ENPP1: variants seen among roughly 807,000 people sequenced by gnomAD.
The protein encoded by ENPP1 is ectonucleotide pyrophosphatase/phosphodiesterase 1.
Under a neutral mutation model 122.8 loss-of-function variants are expected in ENPP1, and 73 were observed. The ratio of observed to expected loss-of-function variants is 0.59; its 90% CI spans 0.49 to 0.72. The LOEUF (loss-of-function observed/expected upper bound fraction) is 0.72. ENPP1 is among the 30% of genes least tolerant of loss of function. The pLI, the probability that ENPP1 is intolerant of heterozygous loss-of-function variation, is 0.00. For synonymous variants in ENPP1, 367 were observed against 391.6 expected (o/e 0.94, Z 0.74); for missense variants, 978 against 1,128.1 (o/e 0.87, Z 1.91).
At position 131,861,708 on chromosome 6, in the gene ENPP1, T is replaced by C. The variant is rs761356874; in HGVS notation, c.1025+4T>C. 1.3e-6 allele frequency: 2 copies of C among 1,501,962 alleles called. No homozygotes were observed. The highest frequency in any genetic ancestry group is 1.9e-6 in the Non-Finnish European group (2 of 1,077,700). 93.0% of individuals were successfully genotyped at this position (1,501,962 alleles called of 1,614,324 possible). A position where few individuals can be genotyped will look rare whatever the true frequency, so the allele number is the denominator to read the frequency against. On this transcript the variant is annotated splice_donor_region_variant and intron_variant, in intron 9 of 24. Coordinates refer to ENST00000647893, the MANE Select transcript of ENPP1 (RefSeq NM_006208.3). ...ACATCTATAAAATGTATAATGGGTA[T>C]GTGAAATGAATTTTTTCTAGGATCT...
intron 1 of ENPP1, chr6:131,827,910 C>G (rs1781565107): frequency 1.6e-6 from 2 of 1,233,120 alleles, no homozygotes; most frequent in African/African-American, 1.5e-5. Flanking sequence ...CTGTTTCTGA[C>G]AGGGTGCAGG....
chr6:131,852,796 T>C lies in ENPP1; in HGVS notation c.617+561T>C, dbSNP rs1781898133. On this transcript the variant is annotated intron_variant, in intron 5 of 24. Transcript: ENST00000647893. ...CTAAACTTGTAGAAAATTTAGCTTC[T>C]TTTTTTTTTTGTATTTTGGTCCATT... Among the ~76,000 whole-genome samples the C allele has an allele frequency of 2.1e-5, 3 of 145,260 alleles. No homozygotes were observed. In the South Asian group the frequency reaches 6.5e-4, roughly 31 times the overall value.
intron 1 of ENPP1, among the ~76,000 whole-genome samples, chr6:131,831,132 A>AAAAAAG (rs1781606030): frequency 6.6e-6 from 1 of 151,220 alleles, no homozygotes; most frequent in African/African-American, 2.4e-5. Context: ...AAAAAAAAAA[A>AAAAAAG]AAAAAGAAAA....
chr6:131,880,851 C>T (rs965737980), intron 20 of ENPP1, among the ~76,000 whole-genome samples: 2 of 152,192 alleles, frequency 1.3e-5, no homozygotes, highest in East Asian at 3.9e-4. Flanking sequence ...CAGAATCCTG[C>T]CCACCACCAA....
Position 131,808,082 on chromosome 6 carries a change from G to A in ENPP1, c.47G>A (p.Gly16Asp). ...CAGGGSRGGEGGRAPREGPAG... is the reference protein window; with the variant it reads ...CAGGGSRGGEDGRAPREGPAG... ...GGGGGCGGGAGCCGCGGCGGCGAGG[G>A]CGGGCGCGCTCCCCGGGAGGGCCCG... Residue 16 changes from glycine (G) to aspartate (D), a missense_variant, in exon 1 of 25, where the codon GGC becomes GAC. By Grantham distance (94) the Gly-to-Asp change is moderately conservative. This residue lies in a region of ENPP1 where 330 missense variants were observed against 328.5 expected (regional missense o/e 1.00). Coordinates refer to ENST00000647893, the MANE Select transcript of ENPP1 (RefSeq NM_006208.3). The A allele has an allele frequency of 3.8e-6, 4 of 1,066,408 alleles. No individual in the cohort carries two copies. The highest frequency in any genetic ancestry group is 4.4e-5 in the South Asian group (1 of 22,812). 66.1% of individuals were successfully genotyped at this position (1,066,408 alleles called of 1,614,324 possible). A position where few individuals can be genotyped will look rare whatever the true frequency, so the allele number is the denominator to read the frequency against.
intron 1 of ENPP1, among the ~76,000 whole-genome samples, chr6:131,835,494 G>C (rs181959131): frequency 6.6e-6 from 1 of 152,264 alleles, no homozygotes; most frequent in Admixed American, 6.5e-5. Context: ...ATTTTCCCAA[G>C]ATACTAGTCC....
At chr6:131,879,729 T>C in intron 19 of ENPP1, 151 bp from the exon 20 acceptor site, 2 of 682,328 alleles carry the variant, frequency 2.9e-6, no homozygotes, top group East Asian at 2.8e-5. Flanking sequence ...CTTAATTGTT[T>C]ATGCTTCTAC....
At chr6:131,815,643 A>G (rs1249848857) in intron 1 of ENPP1, among the ~76,000 whole-genome samples, 1 of 152,078 alleles carries the variant, frequency 6.6e-6, no homozygotes. Context: ...TGTTCTGTAT[A>G]ATAAAGAACT....
Position 131,870,601 on chromosome 6 carries a change from AATAG to A in ENPP1, c.1405+1120_1405+1123del, listed in dbSNP as rs1258199053. On this transcript the variant is annotated intron_variant, in intron 13 of 24. Transcript: ENST00000647893. ...TGGTCTATTTGGTAAGATATGTTTC[AATAG>A]ATAGATACTATTGACTATTAATGAA... is the stretch of plus-strand genomic sequence containing the variant. 2.6e-5 allele frequency among the ~76,000 whole-genome samples: 4 copies of A among 152,356 alleles called. No homozygotes were observed. The East Asian group carries it at 7.7e-4, about 29-fold the overall frequency.
chr6:131,875,689 A>T, intron 16 of ENPP1, 87 bp from the exon 17 acceptor site: 1 of 931,278 alleles, frequency 1.1e-6, no homozygotes, highest in South Asian at 1.3e-5. Flanking sequence ...ACCAGTTTGT[A>T]TATGTACAAT....
chr6:131,849,469 C>T (rs1420488439), intron 2 of ENPP1, among the ~76,000 whole-genome samples: 1 of 152,056 alleles, frequency 6.6e-6, no homozygotes, highest in African/African-American at 2.4e-5. Flanking sequence ...AAGAGCTATG[C>T]CAGGGAGCAT....
intron 1 of ENPP1, among the ~76,000 whole-genome samples, chr6:131,845,048 T>G (rs1035588860): frequency 8.2e-6 from 1 of 121,574 alleles, no homozygotes; most frequent in Non-Finnish European, 1.6e-5. Flanking sequence ...TCATGGTTTT[T>G]TTTTTTTTTT....
intron 18 of ENPP1, among the ~76,000 whole-genome samples, chr6:131,878,161 G>A (rs1239492346): frequency 2.0e-5 from 3 of 152,020 alleles, no homozygotes; most frequent in Non-Finnish European, 2.9e-5. Context: ...TTGGGAGGCC[G>A]AGGTGAGAGG....
chr6:131,868,222 C>CT, intron 12 of ENPP1, 96 bp downstream of exon 12: 1 of 888,700 alleles, frequency 1.1e-6, no homozygotes, highest in Non-Finnish European at 1.8e-6. Flanking sequence ...GTAGTTAATT[C>CT]TTTTTTAAAA....
chr6:131,882,533 T>A, intron 21 of ENPP1, 59 bp downstream of exon 21: 1 of 1,297,860 alleles, frequency 7.7e-7, no homozygotes, highest in Non-Finnish European at 1.1e-6. Context: ...TTCTTGTTTA[T>A]AAATCCTACC....
intron 1 of ENPP1, among the ~76,000 whole-genome samples, chr6:131,845,284 G>C (rs1781794095): frequency 6.6e-6 from 1 of 151,280 alleles, no homozygotes; most frequent in Admixed American, 6.6e-5. Context: ...ACCTGCCTTG[G>C]CCTCCCAGCG....
rs149828062 is a variant in ENPP1, at chr6:131,890,340, G to A, written c.2608-1G>A. 58 of 1,612,606 alleles carry A rather than the reference G, an allele frequency of 3.6e-5. No individual in the cohort carries two copies. The highest frequency in any genetic ancestry group is 4.8e-5 in the Non-Finnish European group (56 of 1,178,612). The stretch of plus-strand genomic sequence containing the variant: ...TTCTTTTATATTTCCTATTCTCCTA[G>A]CATGGGAAGCATGACTCCTCATGGG... On this transcript the variant is annotated splice_acceptor_variant, in intron 24 of 24. Transcript: ENST00000647893. LOFTEE classifies it high-confidence loss of function.
At chr6:131,826,732 G>T in intron 1 of ENPP1, 2 of 516,448 alleles carry the variant, frequency 3.9e-6, no homozygotes, top group Non-Finnish European at 7.1e-6. Context: ...GCAATGACTT[G>T]TGGGATCTGG....
chr6:131,868,154 T>A (rs2114710360), intron 12 of ENPP1, 28 bp downstream of exon 12: 1 of 1,512,914 alleles, frequency 6.6e-7, no homozygotes, highest in Middle Eastern at 1.7e-4. Flanking sequence ...TATTTACTCT[T>A]CAGGATAAAG....
Sources: allele counts gnomAD v4.1 joint callset (sites outside exome capture counted in the v4.1 genomes callset), GRCh38; gene constraint gnomAD v4.1.1; regional missense constraint gnomAD v4.1.1; transcripts MANE v1.5; gene names NCBI Gene and HGNC (gene_info 2026-07-23, HGNC 2026-07-21).